Variants in MAST4 observed in about 807,000 individuals in gnomAD.
The protein encoded by MAST4 is microtubule-associated serine/threonine-protein kinase 4.
In MAST4, 89 loss-of-function variants were observed where a neutral mutation model predicts 162.7. The ratio of observed to expected loss-of-function variants is 0.55; its 90% CI spans 0.46 to 0.65. The LOEUF is 0.65. Ranked by LOEUF, MAST4 falls within the 30% of genes least tolerant of loss-of-function variation. MAST4 has a pLI of 0.00. For missense variants in MAST4, 3,153 were observed against 3,374.0 expected, an observed-to-expected ratio of 0.93 and a Z score of 1.62; for synonymous variants, 1,479 against 1,361.1, an observed-to-expected ratio of 1.09 and a Z score of -1.91.
intron 3 of MAST4, among the ~76,000 whole-genome samples, chr5:66,889,377 G>A (rs1762234748): frequency 6.6e-6 from 1 of 152,142 alleles, no homozygotes. Context: ...CACAAAAGTT[G>A]TCCACAATGA....
intron 3 of MAST4, among the ~76,000 whole-genome samples, chr5:66,842,440 T>C (rs1758495586): frequency 6.6e-6 from 1 of 152,164 alleles, no homozygotes; most frequent in Admixed American, 6.6e-5. Context: ...GTGTGGCTCC[T>C]TCCCCTACCC....
intron 1 of MAST4, among the ~76,000 whole-genome samples, chr5:66,745,258 T>C (rs900347660): frequency 6.6e-6 from 1 of 152,186 alleles, no homozygotes; most frequent in Admixed American, 6.5e-5. Context: ...TGTAATGTGA[T>C]GAGCTGCACG....
chr5:66,920,554 G>A (rs1483723691), intron 4 of MAST4, among the ~76,000 whole-genome samples: 1 of 152,026 alleles, frequency 6.6e-6, no homozygotes, highest in Non-Finnish European at 1.5e-5. Flanking sequence ...TTGAATGTGT[G>A]ATCTCAGCTC....
At chr5:66,612,504 G>C (rs562899884) in intron 1 of MAST4, among the ~76,000 whole-genome samples, 95 of 152,182 alleles carry the variant, frequency 6.2e-4, no homozygotes, top group Non-Finnish European at 1.2e-3. Context: ...CTTGCTACTT[G>C]CAAAGGGCGT....
intron 1 of MAST4, among the ~76,000 whole-genome samples, chr5:66,708,339 A>C (rs1750274384): frequency 6.6e-6 from 1 of 152,136 alleles, no homozygotes; most frequent in Non-Finnish European, 1.5e-5. Flanking sequence ...TATCTCTATC[A>C]CTGGAAGTAT....
chr5:66,659,287 G>A (rs371884480), intron 1 of MAST4, among the ~76,000 whole-genome samples: 1 of 152,204 alleles, frequency 6.6e-6, no homozygotes, highest in Non-Finnish European at 1.5e-5. Flanking sequence ...CAGACGATGG[G>A]AAGTATAGCT....
Position 67,165,710 on chromosome 5 carries a change from G to T in MAST4, c.6531G>T (p.Gln2177His), listed in dbSNP as rs1245893019. Residue 2177 changes from glutamine to histidine, a missense_variant, in exon 29 of 29, where the codon CAG (glutamine) becomes CAT (histidine). Transcript: ENST00000403625. ...PSTAEPSSSPQDPPKPVAAHS... is the reference protein window; with the variant it reads ...PSTAEPSSSPHDPPKPVAAHS... Reference sequence around the variant, plus strand: ...CTGCAGAGCCCAGCTCGAGCCCCCAGGACCCTCCCAAGCCTGTTGCTGCGC... The same window carrying T: ...CTGCAGAGCCCAGCTCGAGCCCCCATGACCCTCCCAAGCCTGTTGCTGCGC... The T allele has an allele frequency of 1.9e-6, 3 of 1,577,444 alleles. No homozygotes were observed. Among genetic ancestry groups the T allele is most frequent in the South Asian group, 2.3e-5 (2 of 86,894 alleles).
chr5:67,116,764 C>T (rs867003531), intron 12 of MAST4, among the ~76,000 whole-genome samples: 1 of 151,900 alleles, frequency 6.6e-6, no homozygotes, highest in Non-Finnish European at 1.5e-5. Context: ...TGCAGTGAGC[C>T]GAGATGGCGC....
chr5:67,118,115 G>A (rs1453866705), intron 12 of MAST4, among the ~76,000 whole-genome samples: 1 of 152,226 alleles, frequency 6.6e-6, no homozygotes, highest in Non-Finnish European at 1.5e-5. Flanking sequence ...AGGTCAGTCA[G>A]TCAGTAAGTG....
chr5:66,923,323 G>C (rs1050536376), intron 4 of MAST4, among the ~76,000 whole-genome samples: 3 of 152,228 alleles, frequency 2.0e-5, no homozygotes, highest in Non-Finnish European at 2.9e-5. Flanking sequence ...GAGTCTGGCA[G>C]AAAGCATTGT....
At chr5:67,153,639 TACCAGG>T in intron 26 of MAST4, 59 bp downstream of exon 26, 1 of 1,457,452 alleles carries the variant, frequency 6.9e-7, no homozygotes, top group Non-Finnish European at 9.1e-7. Flanking sequence ...AAGGGGCTAG[TACCAGG>T]AGATTGATTT....
At chr5:66,834,941 T>G (rs567157790) in intron 3 of MAST4, among the ~76,000 whole-genome samples, 1 of 152,044 alleles carries the variant, frequency 6.6e-6, no homozygotes, top group Non-Finnish European at 1.5e-5. Flanking sequence ...CTCAGAGGAG[T>G]GATGTGTGAG....
chr5:66,904,567 G>A (rs182565923), intron 4 of MAST4, among the ~76,000 whole-genome samples: 34 of 152,204 alleles, frequency 2.2e-4, no homozygotes, highest in African/African-American at 7.2e-4. Context: ...TTGTAGGTCC[G>A]GGATCTATAA....
chr5:67,077,065 C>G (rs1489818590), intron 5 of MAST4, among the ~76,000 whole-genome samples: 1 of 152,208 alleles, frequency 6.6e-6, no homozygotes, highest in Non-Finnish European at 1.5e-5. Context: ...AAGACATACC[C>G]AGACCCAAGG....
At position 66,809,805 on chromosome 5, in the gene MAST4, G is replaced by C. The variant is rs193054857; in HGVS notation, c.642+21011G>C. Among the ~76,000 whole-genome samples, 8 of 152,114 alleles carry C rather than the reference G, an allele frequency of 5.3e-5. No individual in the cohort carries two copies. The East Asian group carries it at 5.8e-4, about 11-fold the overall frequency. ...GGCTGGAGTGCAGTGGTGCAATATC[G>C]ACTCACTGCAACCTCCAACTCCCTG... is the stretch of plus-strand genomic sequence containing the variant. On this transcript the variant is annotated intron_variant, in intron 3 of 28. Transcript: ENST00000403625.
At position 66,970,085 on chromosome 5, in the gene MAST4, G is replaced by A. The variant is rs904577291; in HGVS notation, c.674+70103G>A. On this transcript the variant is annotated intron_variant, in intron 4 of 28. Coordinates refer to ENST00000403625, the MANE Select transcript of MAST4 (RefSeq NM_001164664.2). ...CAGAGATGAGCCTGATTATGAACAC[G>A]GTGCCAGCCCTGTGGGTGTGGGGCT... Among the ~76,000 whole-genome samples the A allele has an allele frequency of 2.6e-5, 4 of 152,276 alleles. No individual in the cohort carries two copies. The South Asian group carries it at 8.3e-4, about 32-fold the overall frequency.
chr5:66,732,603 A>G (rs1444290523), intron 1 of MAST4, among the ~76,000 whole-genome samples: 4 of 152,210 alleles, frequency 2.6e-5, no homozygotes, highest in Non-Finnish European at 5.9e-5. Context: ...TGTGAACTTT[A>G]TACATCTGGT....
In MAST4 at chr5:67,166,863, GGGAA is replaced by G. The variant is rs951418122; in HGVS notation, c.7688_7691del (p.Lys2563ThrfsTer19). 3.7e-6 allele frequency: 6 copies of G among 1,607,592 alleles called. No individual in the cohort carries two copies. Among genetic ancestry groups the G allele is most frequent in the Non-Finnish European group, 4.2e-6 (5 of 1,177,332 alleles). Reference sequence around the variant, plus strand: ...GACTGCCACCGTAGGGGAAACCAAAGGGAAGGACCCTGCCCCAGCCCAGCCTCCC... The same window carrying G: ...GACTGCCACCGTAGGGGAAACCAAAGGGACCCTGCCCCAGCCCAGCCTCCC... On this transcript the variant is annotated frameshift_variant, in exon 29 of 29. Coordinates refer to ENST00000403625, the MANE Select transcript of MAST4 (RefSeq NM_001164664.2). LOFTEE classifies it high-confidence loss of function.
At chr5:67,053,279 G>C (rs1758401423) in intron 4 of MAST4, among the ~76,000 whole-genome samples, 1 of 152,132 alleles carries the variant, frequency 6.6e-6, no homozygotes, top group Non-Finnish European at 1.5e-5. Context: ...AATTGGGTTT[G>C]GTTTTGAAAT....
Sources: allele counts gnomAD v4.1 joint callset (sites outside exome capture counted in the v4.1 genomes callset), GRCh38; gene constraint gnomAD v4.1.1; transcripts MANE v1.5; gene names NCBI Gene and HGNC (gene_info 2026-07-23, HGNC 2026-07-21).